The following TENM3 variants were observed in gnomAD, a reference collection of about 807,000 sequenced individuals.
The protein encoded by TENM3 is teneurin transmembrane protein 3.
Under a neutral mutation model 255.1 loss-of-function variants are expected in TENM3, and 63 were observed. That is an observed-to-expected ratio of 0.25 (90% CI 0.20 to 0.30). The LOEUF is 0.30. Ranked by LOEUF, TENM3 falls within the 10% of genes least tolerant of loss-of-function variation. TENM3 has a pLI of 1.00. For missense variants in TENM3, 2,929 were observed against 3,461.1 expected, an observed-to-expected ratio of 0.85 and a Z score of 3.86; for synonymous variants, 1,306 against 1,322.3, an observed-to-expected ratio of 0.99 and a Z score of 0.27.
chr4:182,543,060 C>T (rs1246475462), intron 3 of TENM3, among the ~76,000 whole-genome samples: 4 of 152,130 alleles, frequency 2.6e-5, no homozygotes, highest in Admixed American at 6.5e-5. Flanking sequence ...GAGTTCCTAA[C>T]GAATGTAGCT....
At chr4:181,884,156 A>G in the TENM3 span, among the ~76,000 whole-genome samples, 2 of 152,126 alleles carry the variant, frequency 1.3e-5, no homozygotes, top group East Asian at 3.9e-4. Context: ...GAAACTTTCT[A>G]TCCCAGAAAA....
the TENM3 span, among the ~76,000 whole-genome samples, chr4:181,611,178 G>T: frequency 6.6e-6 from 1 of 152,134 alleles, no homozygotes; most frequent in Non-Finnish European, 1.5e-5. Flanking sequence ...GTACTTGTAG[G>T]CGAACGTGGG....
intron 3 of TENM3, among the ~76,000 whole-genome samples, chr4:182,511,198 T>C (rs372146218): frequency 1.3e-5 from 2 of 152,214 alleles, no homozygotes; most frequent in Non-Finnish European, 2.9e-5. Flanking sequence ...CAGGAGGCTG[T>C]AGTAGGCTGT....
chr4:181,734,601 A>T, the TENM3 span, among the ~76,000 whole-genome samples: 1 of 152,178 alleles, frequency 6.6e-6, no homozygotes, highest in East Asian at 1.9e-4. Context: ...AAAGAGATTC[A>T]TATTTTACAT....
chr4:181,545,394 G>A, the TENM3 span, among the ~76,000 whole-genome samples: 1 of 152,124 alleles, frequency 6.6e-6, no homozygotes. Flanking sequence ...ATAAAACAAG[G>A]CACCTCAAGT....
the TENM3 span, among the ~76,000 whole-genome samples, chr4:181,636,798 G>A: frequency 2.0e-5 from 3 of 152,088 alleles, no homozygotes; most frequent in African/African-American, 4.8e-5. Context: ...TTAGCTAAAC[G>A]GATCATGTCA....
At chr4:182,710,340 A>C (rs770011716) in intron 12 of TENM3, among the ~76,000 whole-genome samples, 1 of 152,214 alleles carries the variant, frequency 6.6e-6, no homozygotes, top group Non-Finnish European at 1.5e-5. Flanking sequence ...AGGAATTATA[A>C]AGAAATTATA....
chr4:182,068,169 A>G, the TENM3 span, among the ~76,000 whole-genome samples: 1 of 152,168 alleles, frequency 6.6e-6, no homozygotes, highest in African/African-American at 2.4e-5. Context: ...CCCAAAGCCT[A>G]TGTTTGTTCC....
the TENM3 span, among the ~76,000 whole-genome samples, chr4:181,462,831 C>T: frequency 3.3e-5 from 5 of 152,142 alleles, no homozygotes; most frequent in South Asian, 2.1e-4. Flanking sequence ...GCATGCTCAA[C>T]GTTGGCTTAC....
chr4:181,964,412 C>G, the TENM3 span, among the ~76,000 whole-genome samples: 2 of 152,126 alleles, frequency 1.3e-5, no homozygotes, highest in Non-Finnish European at 2.9e-5. Context: ...TGACTCTAGC[C>G]TGAATGAGCT....
chr4:182,548,516 C>G (rs1248263194), intron 3 of TENM3: 1 of 152,144 alleles, frequency 6.6e-6, no homozygotes, highest in African/African-American at 2.4e-5. Context: ...CTTCCATGAC[C>G]CCAAGGCCGG....
intron 1 of TENM3, among the ~76,000 whole-genome samples, chr4:182,204,966 A>T (rs1386303550): frequency 6.6e-6 from 1 of 152,216 alleles, no homozygotes; most frequent in Non-Finnish European, 1.5e-5. Flanking sequence ...AAGCTTTGTG[A>T]CTTTTCGGTT....
At chr4:181,508,184 C>T in the TENM3 span, among the ~76,000 whole-genome samples, 2 of 152,184 alleles carry the variant, frequency 1.3e-5, no homozygotes, top group African/African-American at 4.8e-5. Flanking sequence ...AGTGGAGTTG[C>T]AGGCACACCT....
At chr4:182,013,554 A>C in the TENM3 span, among the ~76,000 whole-genome samples, 1 of 152,144 alleles carries the variant, frequency 6.6e-6, no homozygotes, top group Non-Finnish European at 1.5e-5. Context: ...TTACTAATCC[A>C]GGCCTCCCTT....
At chr4:181,862,949 G>C in the TENM3 span, among the ~76,000 whole-genome samples, 49 of 152,068 alleles carry the variant, frequency 3.2e-4, no homozygotes, top group Non-Finnish European at 5.7e-4. Context: ...GTACAAACAA[G>C]AGAAATTTAG....
chr4:181,680,746 G>A, the TENM3 span, among the ~76,000 whole-genome samples: 1 of 152,064 alleles, frequency 6.6e-6, no homozygotes, highest in Non-Finnish European at 1.5e-5. Context: ...TGCTAGATAT[G>A]AGATATTGCC....
intron 3 of TENM3, among the ~76,000 whole-genome samples, chr4:182,552,166 T>G (rs1230732952): frequency 1.3e-5 from 2 of 152,180 alleles, no homozygotes; most frequent in Non-Finnish European, 2.9e-5. Context: ...AATAACTTGC[T>G]GGGCATGGTG....
upstream of TENM3, chr4:182,141,856 T>A (rs1381595639): frequency 6.6e-6 from 1 of 152,212 alleles, no homozygotes. Context: ...ATCCCCTAAC[T>A]CACACAATGT....
intron 3 of TENM3, among the ~76,000 whole-genome samples, chr4:182,399,310 ATATCC>A (rs1769068494): frequency 6.6e-6 from 1 of 152,148 alleles, no homozygotes; most frequent in Non-Finnish European, 1.5e-5. Flanking sequence ...CATCTTTAAA[ATATCC>A]TAGACTTTGT....
Sources: allele counts gnomAD v4.1 joint callset (sites outside exome capture counted in the v4.1 genomes callset), GRCh38; gene constraint gnomAD v4.1.1; transcripts MANE v1.5; gene names NCBI Gene and HGNC (gene_info 2026-07-23, HGNC 2026-07-21).